USP37: variants seen among roughly 807,000 people sequenced by gnomAD.
The protein encoded by USP37 is ubiquitin carboxyl-terminal hydrolase 37.
USP37 carries 27 observed loss-of-function variants against 124.0 expected under a neutral mutation model. That is an observed-to-expected ratio of 0.22 (90% CI 0.16 to 0.30). USP37 has a LOEUF of 0.30. Ranked by LOEUF, USP37 falls within the 10% of genes least tolerant of loss-of-function variation. The pLI is 1.00. For missense variants in USP37, 889 were observed against 1,140.4 expected (o/e 0.78, Z 3.17); for synonymous variants, 365 against 388.0 (o/e 0.94, Z 0.70).
At chr2:218,563,076 T>G (rs1343640250) in intron 1 of USP37, among the ~76,000 whole-genome samples, 1 of 151,504 alleles carries the variant, frequency 6.6e-6, no homozygotes, top group Non-Finnish European at 1.5e-5. Context: ...GGCAGGAGAA[T>G]TGCTTGAACC....
At chr2:218,527,479 C>T (rs541074677) in intron 10 of USP37, among the ~76,000 whole-genome samples, 3 of 152,318 alleles carry the variant, frequency 2.0e-5, no homozygotes, top group East Asian at 3.9e-4. Flanking sequence ...ACCTGGCTCT[C>T]GTTTGTGTTC....
At chr2:218,552,798 T>G (rs1165943384) in intron 5 of USP37, among the ~76,000 whole-genome samples, 2 of 152,114 alleles carry the variant, frequency 1.3e-5, no homozygotes, top group African/African-American at 2.4e-5. Flanking sequence ...TGTCTAAGAT[T>G]TATGCAACAA....
At chr2:218,529,460 C>T (rs1038289135) in intron 10 of USP37, among the ~76,000 whole-genome samples, 16 of 133,526 alleles carry the variant, frequency 1.2e-4, no homozygotes, top group African/African-American at 2.6e-4. Context: ...GGTGACAGGG[C>T]GAGACTTGGT....
intron 3 of USP37, among the ~76,000 whole-genome samples, chr2:218,559,103 T>C (rs1390193374): frequency 6.6e-6 from 1 of 151,742 alleles, no homozygotes; most frequent in Admixed American, 6.6e-5. Context: ...GCCTGGGAAT[T>C]TGAGACCAGC....
intron 18 of USP37, among the ~76,000 whole-genome samples, chr2:218,477,415 G>C (rs1262385152): frequency 6.6e-6 from 1 of 152,140 alleles, no homozygotes; most frequent in East Asian, 1.9e-4. Flanking sequence ...CTTATCTGTA[G>C]GTCAGACTTC....
intron 23 of USP37, among the ~76,000 whole-genome samples, chr2:218,457,652 A>G (rs747191393): frequency 9.2e-5 from 14 of 152,218 alleles, no homozygotes; most frequent in Non-Finnish European, 1.8e-4. Flanking sequence ...ATCAGAGTGA[A>G]CTTTTATATT....
chr2:218,526,229 G>T (rs555486463), intron 10 of USP37, among the ~76,000 whole-genome samples: 11 of 152,058 alleles, frequency 7.2e-5, no homozygotes, highest in African/African-American at 2.7e-4. Context: ...GGGTTGAATG[G>T]TTATTTATTT....
intron 1 of USP37, among the ~76,000 whole-genome samples, chr2:218,564,969 T>A (rs770102869): frequency 1.3e-5 from 2 of 152,226 alleles, no homozygotes; most frequent in Non-Finnish European, 2.9e-5. Flanking sequence ...TCACCCAGAC[T>A]GGAACACAGT....
intron 21 of USP37, 120 bp from the exon 22 acceptor site, chr2:218,463,486 A>AC: frequency 1.7e-6 from 1 of 601,410 alleles, no homozygotes; most frequent in Non-Finnish European, 2.8e-6. Context: ...AACCTTATGG[A>AC]TGTTTGGAAT....
chr2:218,482,348 C>A, intron 16 of USP37, 114 bp from the exon 17 acceptor site: 1 of 1,188,638 alleles, frequency 8.4e-7, no homozygotes, highest in Admixed American at 2.8e-5. Context: ...ATCCATTTGG[C>A]CAAACCAAAG....
At chr2:218,483,469 A>C (rs1001720555) in intron 16 of USP37, among the ~76,000 whole-genome samples, 4 of 151,978 alleles carry the variant, frequency 2.6e-5, no homozygotes, top group African/African-American at 9.7e-5. Context: ...TTAGGATTTA[A>C]AGAGTGGCTT....
intron 23 of USP37, among the ~76,000 whole-genome samples, chr2:218,459,361 C>T (rs1177020615): frequency 6.6e-6 from 1 of 151,698 alleles, no homozygotes; most frequent in African/African-American, 2.4e-5. Flanking sequence ...TGTGCCACCA[C>T]GCCCAGCTAA....
intron 3 of USP37, among the ~76,000 whole-genome samples, chr2:218,559,309 T>TCAAAA (rs757709965): frequency 2.9e-4 from 44 of 152,044 alleles, no homozygotes; most frequent in Non-Finnish European, 4.4e-4. Flanking sequence ...AGACACTGTC[T>TCAAAA]CAAAACAAAA....
At chr2:218,524,529 T>G (rs1318282632) in intron 10 of USP37, among the ~76,000 whole-genome samples, 1 of 152,268 alleles carries the variant, frequency 6.6e-6, no homozygotes, top group African/African-American at 2.4e-5. Flanking sequence ...TATTAAGTAT[T>G]GGCTTTTAAT....
At chr2:218,552,129 T>G (rs1559226323) in intron 5 of USP37, among the ~76,000 whole-genome samples, 2 of 152,274 alleles carry the variant, frequency 1.3e-5, no homozygotes, top group South Asian at 4.1e-4. Context: ...GTTTAGTAAA[T>G]TGATATGCTC....
chr2:218,530,068 C>G (rs759066890), intron 9 of USP37, 28 bp from the exon 10 acceptor site: 3 of 1,549,612 alleles, frequency 1.9e-6, no homozygotes, highest in Non-Finnish European at 1.8e-6. Flanking sequence ...AAAGGAAAAA[C>G]TTAATTCCTA....
At chr2:218,566,947 G>T (rs903704141) in intron 1 of USP37, among the ~76,000 whole-genome samples, 7 of 152,108 alleles carry the variant, frequency 4.6e-5, no homozygotes, top group African/African-American at 1.4e-4. Context: ...AAAGATCAAG[G>T]CTTTGGATTT....
At chr2:218,474,340 T>C (rs1690848409) in intron 20 of USP37, among the ~76,000 whole-genome samples, 1 of 152,180 alleles carries the variant, frequency 6.6e-6, no homozygotes, top group South Asian at 2.1e-4. Flanking sequence ...AACCCTGTTA[T>C]ATACAGATCC....
intron 8 of USP37, among the ~76,000 whole-genome samples, chr2:218,539,636 G>T (rs979500342): frequency 2.0e-5 from 3 of 151,968 alleles, no homozygotes; most frequent in African/African-American, 7.2e-5. Flanking sequence ...GATCGCCTGA[G>T]CCCGGGAGGC....
Sources: allele counts gnomAD v4.1 joint callset (sites outside exome capture counted in the v4.1 genomes callset), GRCh38; gene constraint gnomAD v4.1.1; transcripts MANE v1.5; gene names NCBI Gene and HGNC (gene_info 2026-07-23, HGNC 2026-07-21).